REEP3: variants seen among roughly 807,000 people sequenced by gnomAD.
REEP3 encodes the protein receptor accessory protein 3.
REEP3 carries 20 observed loss-of-function variants against 41.3 expected under a neutral mutation model. The ratio of observed to expected loss-of-function variants is 0.48; its 90% CI spans 0.34 to 0.70. The LOEUF is 0.70. Ranked by LOEUF, REEP3 falls within the 30% of genes least tolerant of loss-of-function variation. The pLI, the probability that REEP3 is intolerant of heterozygous loss-of-function variation, is 0.01. For missense variants in REEP3, 271 were observed against 308.8 expected (o/e 0.88, Z 0.92); for synonymous variants, 104 against 101.8 (o/e 1.02, Z -0.13).
At chr10:63,619,383 CAAAAAT>C (rs1401534395) in intron 6 of REEP3, among the ~76,000 whole-genome samples, 2 of 151,782 alleles carry the variant, frequency 1.3e-5, no homozygotes, top group South Asian at 4.2e-4. Context: ...GTTACCTACT[CAAAAAT>C]AAATTATTTT....
intron 1 of REEP3, among the ~76,000 whole-genome samples, chr10:63,556,441 T>A (rs1955680667): frequency 6.7e-6 from 1 of 149,746 alleles, no homozygotes; most frequent in Non-Finnish European, 1.5e-5. Flanking sequence ...ATTTTTTAAA[T>A]TCATTACAGT....
chr10:63,591,838 G>A (rs1367845076), intron 2 of REEP3, among the ~76,000 whole-genome samples: 1 of 152,112 alleles, frequency 6.6e-6, no homozygotes, highest in Non-Finnish European at 1.5e-5. Context: ...AATGGCTACC[G>A]TCTGTACAGT....
At chr10:63,578,980 A>G (rs1372810832) in intron 2 of REEP3, among the ~76,000 whole-genome samples, 4 of 151,618 alleles carry the variant, frequency 2.6e-5, no homozygotes, top group Non-Finnish European at 5.9e-5. Context: ...CTTCACTGGT[A>G]AAGTAACTGG....
At chr10:63,541,615 C>G (rs1047338738) in intron 1 of REEP3, among the ~76,000 whole-genome samples, 2 of 151,710 alleles carry the variant, frequency 1.3e-5, no homozygotes, top group African/African-American at 4.8e-5. Context: ...TTTGTTCTAA[C>G]ATACTTATTC....
chr10:63,563,317 C>T (rs529620718), intron 1 of REEP3, among the ~76,000 whole-genome samples: 3 of 152,302 alleles, frequency 2.0e-5, no homozygotes, highest in African/African-American at 7.2e-5. Context: ...GACCTAGAAT[C>T]AACAACATTC....
At chr10:63,545,506 C>G (rs534088892) in intron 1 of REEP3, among the ~76,000 whole-genome samples, 1 of 152,032 alleles carries the variant, frequency 6.6e-6, no homozygotes, top group Non-Finnish European at 1.5e-5. Context: ...TCCCAAATAG[C>G]TGGGACTACA....
intron 3 of REEP3, among the ~76,000 whole-genome samples, chr10:63,597,355 C>T (rs1956124829): frequency 6.6e-6 from 1 of 152,214 alleles, no homozygotes; most frequent in African/African-American, 2.4e-5. Context: ...GCACAACTAT[C>T]ATATGAGATA....
intron 5 of REEP3, chr10:63,599,670 G>A: frequency 3.0e-6 from 3 of 985,066 alleles, no homozygotes; most frequent in Non-Finnish European, 3.6e-6. Flanking sequence ...ATCTTGGTAG[G>A]ATTTCTGGCT....
At chr10:63,537,288 G>T (rs1955483882) in intron 1 of REEP3, among the ~76,000 whole-genome samples, 1 of 152,064 alleles carries the variant, frequency 6.6e-6, no homozygotes, top group South Asian at 2.1e-4. Flanking sequence ...CATTTTAAAG[G>T]CCCTACCATA....
intron 1 of REEP3, among the ~76,000 whole-genome samples, chr10:63,529,420 A>G (rs60914994): frequency 0.15 from 22,101 of 152,096 alleles, 3,814 homozygotes; most frequent in African/African-American, 0.42. Flanking sequence ...AAACAGAATA[A>G]TATGACTGGA....
chr10:63,521,813 G>A, intron 1 of REEP3: 2 of 256,680 alleles, frequency 7.8e-6, no homozygotes, highest in African/African-American at 2.5e-5. Flanking sequence ...CGACGGCGGC[G>A]GCGGCTGTGG....
At position 63,595,646 on chromosome 10, in the gene REEP3, G is replaced by A. The variant is rs577153004; in HGVS notation, c.182+792G>A. Among the ~76,000 whole-genome samples the A allele has an allele frequency of 4.6e-5, 7 of 151,348 alleles. No individual in the cohort carries two copies. In the South Asian group the frequency reaches 6.3e-4, roughly 14 times the overall value. ...GGCTAGAGTGCAGTGGCACGATCTCGGCTCACTGCAACCTCTACCTCCCGG... is the reference window on the plus strand; with the variant it reads ...GGCTAGAGTGCAGTGGCACGATCTCAGCTCACTGCAACCTCTACCTCCCGG... On this transcript the variant is annotated intron_variant, in intron 3 of 7. Transcript: ENST00000373758.
chr10:63,524,618 G>A (rs1298223436), intron 1 of REEP3, among the ~76,000 whole-genome samples: 1 of 151,912 alleles, frequency 6.6e-6, no homozygotes, highest in African/African-American at 2.4e-5. Context: ...TAATTTTTTT[G>A]TATTTTTAGT....
At chr10:63,576,615 G>C (rs1409139292) in intron 2 of REEP3, among the ~76,000 whole-genome samples, 1 of 152,118 alleles carries the variant, frequency 6.6e-6, no homozygotes, top group Non-Finnish European at 1.5e-5. Flanking sequence ...GAGGGATTGG[G>C]GTTTAGGACT....
chr10:63,539,050 A>AAATTTACTAGATTTCACT (rs1229325872), intron 1 of REEP3, among the ~76,000 whole-genome samples: 3 of 152,224 alleles, frequency 2.0e-5, no homozygotes, highest in Non-Finnish European at 4.4e-5. Flanking sequence ...CAAAGTAACT[A>AAATTTACTAGATTTCACT]AATTTACTAG....
chr10:63,612,317 G>A (rs1278896697), intron 6 of REEP3, among the ~76,000 whole-genome samples: 1 of 152,036 alleles, frequency 6.6e-6, no homozygotes, highest in Non-Finnish European at 1.5e-5. Flanking sequence ...GACTACAGGT[G>A]TGCACCACCA....
At chr10:63,616,118 A>G (rs778666316) in intron 6 of REEP3, among the ~76,000 whole-genome samples, 1 of 152,016 alleles carries the variant, frequency 6.6e-6, no homozygotes, top group Non-Finnish European at 1.5e-5. Flanking sequence ...GACGAAGTCC[A>G]AACTAGATAG....
chr10:63,600,935 C>T (rs1956166533), intron 5 of REEP3, among the ~76,000 whole-genome samples: 1 of 152,018 alleles, frequency 6.6e-6, no homozygotes, highest in African/African-American at 2.4e-5. Context: ...AGATGGATCA[C>T]TTAAGGTCAG....
chr10:63,619,743 A>T lies in REEP3; in HGVS notation c.654A>T (p.Lys218Asn). The change falls in exon 7 of 8, where the codon AAA (lysine) becomes AAT (asparagine). Residue 218 changes from lysine (K) to asparagine (N), a missense_variant. By Grantham distance (94) the Lys-to-Asn change is moderately conservative. Transcript: ENST00000373758. The stretch of plus-strand genomic sequence containing the variant: ...CAGATAATGAGATGTTAACACACAA[A>T]GGGCTTCGAAGATCGCAAAGCATGA... ...PYSDNEMLTH[K>N]GLRRSQSMKS... 6.2e-7 allele frequency: 1 copy of T among 1,609,536 alleles called. No individual in the cohort carries two copies. Among genetic ancestry groups the T allele is most frequent in the Non-Finnish European group, 8.5e-7 (1 of 1,177,902 alleles).
Sources: gnomAD v4.1 joint callset for allele counts (sites outside exome capture counted in the v4.1 genomes callset) on GRCh38, gnomAD v4.1.1 for gene constraint, MANE v1.5 for transcripts, NCBI Gene and HGNC (gene_info 2026-07-23, HGNC 2026-07-21) for gene names.